Variants in CTNNA2 observed in about 807,000 individuals in gnomAD.
CTNNA2 encodes the protein catenin alpha-2.
CTNNA2 carries 42 observed loss-of-function variants against 101.0 expected under a neutral mutation model. That is an observed-to-expected ratio of 0.42 (90% CI 0.32 to 0.54). The LOEUF is 0.54. Ranked by LOEUF, CTNNA2 falls within the 20% of genes least tolerant of loss-of-function variation. The pLI, the probability that CTNNA2 is intolerant of heterozygous loss-of-function variation, is 0.14. For missense variants in CTNNA2, 871 were observed against 1,223.1 expected (o/e 0.71, Z 4.29); for synonymous variants, 450 against 456.4 (o/e 0.99, Z 0.18).
At chr2:80,559,892 A>G (rs1224893347) in intron 12 of CTNNA2, among the ~76,000 whole-genome samples, 3 of 97,992 alleles carry the variant, frequency 3.1e-5, no homozygotes, top group Admixed American at 9.5e-5. Flanking sequence ...ATATATATAT[A>G]CACACACATA....
At chr2:80,611,011 T>G (rs1015428589) in intron 17 of CTNNA2, among the ~76,000 whole-genome samples, 4 of 151,640 alleles carry the variant, frequency 2.6e-5, no homozygotes, top group African/African-American at 9.7e-5. Flanking sequence ...ATTAGGTTTT[T>G]TTTTTTGTCA....
intron 2 of CTNNA2, among the ~76,000 whole-genome samples, chr2:79,713,827 A>G (rs187670583): frequency 1.3e-5 from 2 of 152,314 alleles, no homozygotes; most frequent in African/African-American, 4.8e-5. Flanking sequence ...AACTTTAGAA[A>G]AGTACATTAA....
intron 9 of CTNNA2, among the ~76,000 whole-genome samples, chr2:80,435,485 C>A (rs987680665): frequency 1.3e-5 from 2 of 152,118 alleles, no homozygotes; most frequent in Admixed American, 1.3e-4. Flanking sequence ...TCTGAAACTA[C>A]TTCCAGAAGG....
intron 7 of CTNNA2, among the ~76,000 whole-genome samples, chr2:80,116,161 C>T (rs1701505287): frequency 6.6e-6 from 1 of 151,912 alleles, no homozygotes. Context: ...AGCACAAAAG[C>T]AGCCACAGCC....
intron 3 of CTNNA2, among the ~76,000 whole-genome samples, chr2:79,823,169 C>T (rs13423110): frequency 6.6e-6 from 1 of 152,148 alleles, no homozygotes; most frequent in Non-Finnish European, 1.5e-5. Context: ...TTTCTGGCTT[C>T]TCTGCCTGTC....
chr2:80,421,428 C>T (rs1364153800), intron 9 of CTNNA2, among the ~76,000 whole-genome samples: 1 of 152,106 alleles, frequency 6.6e-6, no homozygotes, highest in Non-Finnish European at 1.5e-5. Context: ...TCAAACTTAA[C>T]ATCTTGTGTA....
chr2:79,691,840 A>T (rs1276182694), intron 2 of CTNNA2, among the ~76,000 whole-genome samples: 1 of 152,090 alleles, frequency 6.6e-6, no homozygotes, highest in Non-Finnish European at 1.5e-5. Flanking sequence ...CTGAAACTGG[A>T]CCCCTTCCTT....
At chr2:80,140,503 A>T (rs1480397962) in intron 7 of CTNNA2, among the ~76,000 whole-genome samples, 2 of 151,880 alleles carry the variant, frequency 1.3e-5, no homozygotes, top group East Asian at 3.9e-4. Context: ...ATCCCTTCCC[A>T]CCCATCCCTC....
intron 2 of CTNNA2, among the ~76,000 whole-genome samples, chr2:79,227,515 C>G (rs1350698579): frequency 6.6e-6 from 1 of 152,084 alleles, no homozygotes; most frequent in Non-Finnish European, 1.5e-5. Flanking sequence ...ATGTTACAAG[C>G]ATACCTCAGA....
Position 80,162,384 on chromosome 2 carries a change from TC to T in CTNNA2, c.1057-230825del. ...CTGTACAGTTTTTCAACAAAATATT[TC>T]CATATCAACTTAGTCAAAGGGCCTA... On this transcript the variant is annotated intron_variant, in intron 7 of 18. Coordinates refer to ENST00000402739, the MANE Select transcript of CTNNA2 (RefSeq NM_001282597.3). 3 of 1,411,338 alleles carry T rather than the reference TC, an allele frequency of 2.1e-6. No homozygotes were observed. In the South Asian group the frequency reaches 4.3e-5, roughly 20 times the overall value. 87.4% of individuals were successfully genotyped at this position (1,411,338 alleles called of 1,614,324 possible). A position where few individuals can be genotyped will look rare whatever the true frequency, so the allele number is the denominator to read the frequency against.
At chr2:79,485,290 AC>A in intron 4 of CTNNA2, among the ~76,000 whole-genome samples, 1 of 152,276 alleles carries the variant, frequency 6.6e-6, no homozygotes, top group Middle Eastern at 3.4e-3. Context: ...TTATCTGGGG[AC>A]TGTGCATCTA....
chr2:80,587,115 C>T (rs1696044436), intron 14 of CTNNA2, among the ~76,000 whole-genome samples: 1 of 152,102 alleles, frequency 6.6e-6, no homozygotes, highest in Non-Finnish European at 1.5e-5. Context: ...GGTTTGAATC[C>T]TATTCCTAGA....
At chr2:79,470,346 TAAC>T (rs1670984495) in intron 4 of CTNNA2, among the ~76,000 whole-genome samples, 2 of 152,156 alleles carry the variant, frequency 1.3e-5, no homozygotes, top group East Asian at 1.9e-4. Context: ...CTAAAAATAA[TAAC>T]AACAATAAAA....
intron 4 of CTNNA2, among the ~76,000 whole-genome samples, chr2:79,436,698 C>T (rs1416123108): frequency 6.6e-6 from 1 of 151,730 alleles, no homozygotes; most frequent in Admixed American, 6.6e-5. Context: ...GTGGCGCAGT[C>T]TCGGCTCACT....
intron 7 of CTNNA2, among the ~76,000 whole-genome samples, chr2:80,153,222 T>C (rs971646979): frequency 2.0e-5 from 3 of 152,180 alleles, no homozygotes; most frequent in African/African-American, 7.2e-5. Flanking sequence ...CAGGTGCCAT[T>C]GTTTCCCTCT....
At chr2:80,067,145 A>G (rs1413574269) in intron 7 of CTNNA2, among the ~76,000 whole-genome samples, 1 of 151,744 alleles carries the variant, frequency 6.6e-6, no homozygotes, top group African/African-American at 2.4e-5. Context: ...TAGGAGGAAT[A>G]AGTTCAAGAG....
chr2:80,584,174 G>T (rs1456784949), intron 14 of CTNNA2, among the ~76,000 whole-genome samples: 2 of 152,074 alleles, frequency 1.3e-5, no homozygotes, highest in Admixed American at 6.5e-5. Flanking sequence ...GGCGAACTTT[G>T]TCTTTGACAG....
intron 7 of CTNNA2, among the ~76,000 whole-genome samples, chr2:79,954,648 T>G (rs2104507182): frequency 6.6e-6 from 1 of 152,248 alleles, no homozygotes; most frequent in African/African-American, 2.4e-5. Context: ...GCAATACAAA[T>G]GGAACAAAAA....
Position 80,303,382 on chromosome 2 carries a change from G to T in CTNNA2, c.1057-89829G>T. The T allele has an allele frequency of 6.2e-7, 1 of 1,614,182 alleles. No homozygotes were observed. The highest frequency in any genetic ancestry group is 8.5e-7 in the Non-Finnish European group (1 of 1,180,044). Reference sequence around the variant, plus strand: ...CGGGCGCGAGCGCCTGCAGCTTGTTGTACGAGAGGTCCACGCTGCGCAGGT... The same window carrying T: ...CGGGCGCGAGCGCCTGCAGCTTGTTTTACGAGAGGTCCACGCTGCGCAGGT... On this transcript the variant is annotated intron_variant, in intron 7 of 18. Transcript: ENST00000402739. The surrounding 1 kb of genome is among the most constrained non-coding windows in gnomAD (Gnocchi z 7.7).
Sources: allele counts gnomAD v4.1 joint callset (sites outside exome capture counted in the v4.1 genomes callset), GRCh38; gene constraint gnomAD v4.1.1; non-coding constraint Gnocchi (gnomAD v3.1); transcripts MANE v1.5; gene names NCBI Gene and HGNC (gene_info 2026-07-23, HGNC 2026-07-21).